Variants in PLCL1 observed in about 807,000 individuals in gnomAD.
PLCL1 encodes the protein inactive phospholipase C-like protein 1.
A neutral mutation model predicts 84.4 loss-of-function variants in PLCL1; 41 were observed. That is an observed-to-expected ratio of 0.49 (90% confidence interval 0.38 to 0.63). The LOEUF (loss-of-function observed/expected upper bound fraction) is 0.63. Ranked by LOEUF, PLCL1 falls within the 30% of genes least tolerant of loss-of-function variation. The pLI, the probability that PLCL1 is intolerant of heterozygous loss-of-function variation, is 0.00. For missense variants in PLCL1, 1,206 were observed against 1,367.8 expected (o/e 0.88, Z 1.87); for synonymous variants, 490 against 488.3 (o/e 1.00, Z -0.05).
intron 5 of PLCL1, among the ~76,000 whole-genome samples, chr2:198,141,433 T>C (rs1694384029): frequency 6.7e-6 from 1 of 149,790 alleles, no homozygotes; most frequent in Non-Finnish European, 1.5e-5. Context: ...TTGAATAGTT[T>C]CACCCAGTTT....
intron 3 of PLCL1, among the ~76,000 whole-genome samples, chr2:198,094,459 G>A (rs1232802538): frequency 1.3e-5 from 2 of 151,916 alleles, no homozygotes; most frequent in Admixed American, 1.3e-4. Flanking sequence ...TAGCAAAATG[G>A]GCCTATTGAC....
At chr2:197,972,429 G>C (rs975453355) in intron 1 of PLCL1, among the ~76,000 whole-genome samples, 7 of 152,102 alleles carry the variant, frequency 4.6e-5, no homozygotes, top group Non-Finnish European at 1.0e-4. Context: ...CAAGAGATGC[G>C]ACCTTGTTGA....
intron 1 of PLCL1, among the ~76,000 whole-genome samples, chr2:198,016,899 A>G (rs918050063): frequency 6.6e-6 from 1 of 152,146 alleles, no homozygotes; most frequent in Non-Finnish European, 1.5e-5. Flanking sequence ...CTTAATGCTT[A>G]TACTGCCACT....
chr2:197,804,932 TC>T lies in PLCL1; in HGVS notation c.-166del. ...GTCTCTGCCCGAGCGATGTCCCCTC[TC>T]CAGAAAGTTGCCGCCGCCGCCGCCG... is the stretch of plus-strand genomic sequence containing the variant. On this transcript the variant is annotated 5_prime_UTR_variant, in exon 1 of 6. An upstream open reading frame in the 5' UTR loses its in-frame stop. Coordinates refer to ENST00000428675, the MANE Select transcript of PLCL1 (RefSeq NM_006226.4). 1.5e-6 allele frequency: 1 copy of T among 658,582 alleles called. No individual in the cohort carries two copies. The highest frequency in any genetic ancestry group is 2.4e-6 in the Non-Finnish European group (1 of 422,864). 40.8% of individuals were successfully genotyped at this position (658,582 alleles called of 1,614,324 possible). A position where few individuals can be genotyped will look rare whatever the true frequency, so the allele number is the denominator to read the frequency against.
rs1325466312 is a variant in PLCL1, at chr2:197,892,193, G to A, written c.240+86854G>A. ...AGCCAATTTTCTAGTTAAGTCTTAA[G>A]TGTTTTCATAAAACTGAAAAATGCG... On this transcript the variant is annotated intron_variant, in intron 1 of 5. Transcript: ENST00000428675. Among the ~76,000 whole-genome samples, 4 of 152,168 alleles carry A rather than the reference G, an allele frequency of 2.6e-5. No homozygotes were observed. The East Asian group carries it at 7.7e-4, about 29-fold the overall frequency.
chr2:197,887,255 A>G (rs1463326651), intron 1 of PLCL1, among the ~76,000 whole-genome samples: 1 of 152,056 alleles, frequency 6.6e-6, no homozygotes, highest in African/African-American at 2.4e-5. Context: ...TTTACATTGG[A>G]GTGTAGTGTT....
intron 1 of PLCL1, among the ~76,000 whole-genome samples, chr2:197,919,765 CT>C (rs1315822457): frequency 6.6e-6 from 1 of 152,214 alleles, no homozygotes; most frequent in Non-Finnish European, 1.5e-5. Flanking sequence ...CCAAATGGAG[CT>C]TCTGTATGCC....
chr2:198,075,568 A>G (rs1692559984), intron 1 of PLCL1, among the ~76,000 whole-genome samples: 1 of 152,214 alleles, frequency 6.6e-6, no homozygotes, highest in African/African-American at 2.4e-5. Flanking sequence ...GAGGAGAATG[A>G]CAAGATTAAA....
intron 1 of PLCL1, among the ~76,000 whole-genome samples, chr2:197,813,910 TAGC>T (rs1312875749): frequency 2.0e-5 from 3 of 152,162 alleles, no homozygotes; most frequent in Admixed American, 6.5e-5. Context: ...GTGGATAAAA[TAGC>T]AGATTTTTTA....
chr2:197,925,124 G>A (rs1426188864), intron 1 of PLCL1, among the ~76,000 whole-genome samples: 2 of 152,084 alleles, frequency 1.3e-5, no homozygotes, highest in Non-Finnish European at 2.9e-5. Flanking sequence ...ATTTATGAAT[G>A]TGCCGGCTAG....
intron 1 of PLCL1, among the ~76,000 whole-genome samples, chr2:198,020,234 G>T (rs1479832430): frequency 6.6e-6 from 1 of 152,124 alleles, no homozygotes; most frequent in Non-Finnish European, 1.5e-5. Context: ...AGCTCCTGAA[G>T]GAAGCACTAA....
intron 1 of PLCL1, among the ~76,000 whole-genome samples, chr2:197,913,248 C>CA (rs1688525995): frequency 6.6e-6 from 1 of 152,212 alleles, no homozygotes; most frequent in Non-Finnish European, 1.5e-5. Context: ...ATATGTTAAA[C>CA]ATATTTGGAC....
intron 1 of PLCL1, among the ~76,000 whole-genome samples, chr2:197,885,731 C>T (rs1299991444): frequency 6.6e-6 from 1 of 152,194 alleles, no homozygotes; most frequent in South Asian, 2.1e-4. Flanking sequence ...TCCTTTGTTT[C>T]GCTATCTAAT....
At chr2:198,133,160 A>G (rs1351800372) in intron 5 of PLCL1, among the ~76,000 whole-genome samples, 1 of 152,000 alleles carries the variant, frequency 6.6e-6, no homozygotes, top group East Asian at 1.9e-4. Flanking sequence ...GATTAAGAAA[A>G]TGTGGCACAT....
chr2:197,882,374 G>C (rs1326011756), intron 1 of PLCL1, among the ~76,000 whole-genome samples: 1 of 152,088 alleles, frequency 6.6e-6, no homozygotes, highest in East Asian at 1.9e-4. Context: ...GCCAAACTGT[G>C]TTCATCTAAT....
At chr2:197,928,224 G>A (rs1688869604) in intron 1 of PLCL1, among the ~76,000 whole-genome samples, 1 of 152,030 alleles carries the variant, frequency 6.6e-6, no homozygotes, top group Non-Finnish European at 1.5e-5. Context: ...TCTTCACTTT[G>A]GACAAGAAAT....
At chr2:198,140,654 T>C (rs888773489) in intron 5 of PLCL1, among the ~76,000 whole-genome samples, 1 of 152,148 alleles carries the variant, frequency 6.6e-6, no homozygotes, top group Non-Finnish European at 1.5e-5. Flanking sequence ...TTTAACAGAG[T>C]ATGATTTCAA....
In PLCL1 at chr2:197,929,174, T is replaced by C. The variant is rs377762660; in HGVS notation, c.240+123835T>C. ...AATGCCATAGTGACATTTGTTATAC[T>C]GTACTGAACGATTTTATATAAGAGA... On this transcript the variant is annotated intron_variant, in intron 1 of 5. Coordinates refer to ENST00000428675, the MANE Select transcript of PLCL1 (RefSeq NM_006226.4). Among the ~76,000 whole-genome samples the C allele has an allele frequency of 1.1e-4, 17 of 152,314 alleles. No homozygotes were observed. The East Asian group carries it at 3.3e-3, about 29-fold the overall frequency.
At chr2:198,014,956 T>A (rs1209620946) in intron 1 of PLCL1, among the ~76,000 whole-genome samples, 1 of 152,148 alleles carries the variant, frequency 6.6e-6, no homozygotes, top group Non-Finnish European at 1.5e-5. Flanking sequence ...TGTATAGCAG[T>A]AGCCAGTGAA....
Sources: gnomAD v4.1 joint callset for allele counts (sites outside exome capture counted in the v4.1 genomes callset) on GRCh38, gnomAD v4.1.1 for gene constraint, MANE v1.5 for transcripts, NCBI Gene and HGNC (gene_info 2026-07-23, HGNC 2026-07-21) for gene names.